Variants in DZIP1L observed in about 807,000 individuals in gnomAD.
DZIP1L encodes cilium assembly protein DZIP1L.
A neutral mutation model predicts 88.7 loss-of-function variants in DZIP1L; 90 were observed. The ratio of observed to expected loss-of-function variants is 1.02; its 90% CI spans 0.86 to 1.21. The LOEUF is 1.21. Ranked by LOEUF, DZIP1L falls within the 50% of genes most tolerant of loss-of-function variation. The pLI is 0.00. For synonymous variants in DZIP1L, 363 were observed against 372.1 expected (o/e 0.98, Z 0.28); for missense variants, 932 against 955.8 (o/e 0.98, Z 0.33).
Position 138,094,834 on chromosome 3 carries a change from C to T in DZIP1L, c.708+28G>A, listed in dbSNP as rs202185185. On this transcript the variant is annotated intron_variant, in intron 4 of 15. Coordinates refer to ENST00000327532, the MANE Select transcript of DZIP1L (RefSeq NM_173543.3). ...CTCCTGGGTAGTCCATGACCCAAGT[C>T]TCCCTGATGTTTTCTCTCCCTGCCC... The T allele has an allele frequency of 1.4e-5, 22 of 1,613,792 alleles. No homozygotes were observed. The East Asian group carries it at 4.5e-4, about 33-fold the overall frequency.
intron 12 of DZIP1L, among the ~76,000 whole-genome samples, chr3:138,069,652 C>T (rs994817143): frequency 1.3e-5 from 2 of 152,152 alleles, no homozygotes; most frequent in South Asian, 2.1e-4. Flanking sequence ...ACTTGGCCCC[C>T]GAGCATCTTC....
intron 5 of DZIP1L, among the ~76,000 whole-genome samples, chr3:138,091,197 G>A (rs1339130582): frequency 6.6e-6 from 1 of 151,922 alleles, no homozygotes; most frequent in Non-Finnish European, 1.5e-5. Flanking sequence ...GCATAAACTT[G>A]TTAGTATATC....
At chr3:138,095,089 GCTA>G (rs1944408628) in intron 3 of DZIP1L, 106 bp from the exon 4 acceptor site, 2 of 1,536,740 alleles carry the variant, frequency 1.3e-6, no homozygotes, top group African/African-American at 2.7e-5. Flanking sequence ...AACCAGCTTC[GCTA>G]CTTAGTACGT....
intron 1 of DZIP1L, among the ~76,000 whole-genome samples, chr3:138,109,844 C>A (rs372128932): frequency 3.3e-5 from 5 of 152,146 alleles, no homozygotes; most frequent in African/African-American, 1.2e-4. Context: ...TCATTCTCAG[C>A]AAATTAACAC....
intron 8 of DZIP1L, 179 bp from the exon 9 acceptor site, chr3:138,081,943 C>T (rs1037302809): frequency 3.2e-5 from 16 of 498,886 alleles, no homozygotes; most frequent in Non-Finnish European, 4.5e-5. Context: ...CTCTGGGGTC[C>T]GTGTGTGAAA....
intron 6 of DZIP1L, among the ~76,000 whole-genome samples, chr3:138,088,120 C>T (rs1290402888): frequency 6.6e-6 from 1 of 152,162 alleles, no homozygotes; most frequent in African/African-American, 2.4e-5. Flanking sequence ...GGGTTAGAAT[C>T]AGAATGGGGC....
chr3:138,080,515 G>T, intron 10 of DZIP1L, 52 bp downstream of exon 10: 1 of 1,593,342 alleles, frequency 6.3e-7, no homozygotes, highest in South Asian at 1.1e-5. Flanking sequence ...AAGGAGGAGG[G>T]CAGCAAATCT....
chr3:138,104,031 G>A lies in DZIP1L; in HGVS notation c.-60C>T, dbSNP rs1324764750. The A allele has an allele frequency of 5.2e-6, 8 of 1,547,300 alleles. No homozygotes were observed. The highest frequency in any genetic ancestry group is 6.9e-6 in the Non-Finnish European group (8 of 1,157,624). ...GGGGGGCACCAAGGCCACGGCAGTAGGCCAAGGAGCTGAGAGAAGGCCTGG... is the reference window on the plus strand; with the variant it reads ...GGGGGGCACCAAGGCCACGGCAGTAAGCCAAGGAGCTGAGAGAAGGCCTGG... On this transcript the variant is annotated 5_prime_UTR_variant, in exon 2 of 16. Coordinates refer to ENST00000327532, the MANE Select transcript of DZIP1L (RefSeq NM_173543.3).
At chr3:138,099,102 C>G (rs541836566) in intron 2 of DZIP1L, among the ~76,000 whole-genome samples, 1 of 152,154 alleles carries the variant, frequency 6.6e-6, no homozygotes, top group Non-Finnish European at 1.5e-5. Context: ...AGACTGCAGC[C>G]TGGATGACAG....
rs1440179154 is a variant in DZIP1L, at chr3:138,102,088, CAGCCCAG to C, written c.501+1376_501+1382del. ...TTGATCTGGTACATGCTCTCAGCCT[CAGCCCAG>C]CTGCAGTTGGCGATCTCCTTGTACT... On this transcript the variant is annotated intron_variant, in intron 2 of 15. Transcript: ENST00000327532. 24 of 1,482,194 alleles carry C rather than the reference CAGCCCAG, an allele frequency of 1.6e-5. No individual in the cohort carries two copies. In the African/African-American group the frequency reaches 3.3e-4, roughly 20 times the overall value. The allele number at this position is 1,482,194 out of a possible 1,614,324, so 91.8% of individuals were successfully genotyped here. A position where few individuals can be genotyped will look rare whatever the true frequency, so the allele number is the denominator to read the frequency against.
chr3:138,092,394 T>C lies in DZIP1L; in HGVS notation c.859A>G (p.Thr287Ala), dbSNP rs373057028. Residue 287 changes from threonine to alanine, a missense_variant, in exon 5 of 16, where the codon ACA becomes GCA. Coordinates refer to ENST00000327532, the MANE Select transcript of DZIP1L (RefSeq NM_173543.3). ...EFKNVAKQNSTLEEKLRALQS... is the reference protein window; with the variant it reads ...EFKNVAKQNSALEEKLRALQS... Reference sequence around the variant, plus strand: ...TTTATGTTGGGTACCTCTTCTAGTGTAGAGTTCTGCTTGGCGACATTTTTA... The same window carrying C: ...TTTATGTTGGGTACCTCTTCTAGTGCAGAGTTCTGCTTGGCGACATTTTTA... The C allele has an allele frequency of 1.8e-5, 28 of 1,590,090 alleles. No homozygotes were observed. The highest frequency in any genetic ancestry group is 2.4e-5 in the Non-Finnish European group (28 of 1,171,794).
intron 5 of DZIP1L, among the ~76,000 whole-genome samples, chr3:138,091,029 A>G (rs909507766): frequency 6.6e-6 from 1 of 151,690 alleles, no homozygotes; most frequent in African/African-American, 2.4e-5. Flanking sequence ...GATTATAGGC[A>G]CCTGCCACCA....
At chr3:138,064,147 T>C (rs1427608058) in intron 15 of DZIP1L, among the ~76,000 whole-genome samples, 1 of 151,972 alleles carries the variant, frequency 6.6e-6, no homozygotes, top group African/African-American at 2.4e-5. Context: ...AAAACAGAGG[T>C]ATCTAAATAT....
chr3:138,105,647 T>C (rs146011565), intron 1 of DZIP1L, among the ~76,000 whole-genome samples: 2 of 152,104 alleles, frequency 1.3e-5, no homozygotes, highest in Admixed American at 1.3e-4. Flanking sequence ...CAGAAGAAAC[T>C]ATCCTTTTTT....
At chr3:138,066,290 T>C (rs1942894449) in intron 14 of DZIP1L, among the ~76,000 whole-genome samples, 1 of 152,234 alleles carries the variant, frequency 6.6e-6, no homozygotes, top group Non-Finnish European at 1.5e-5. Flanking sequence ...GAGGTTTACC[T>C]TGGAGGCTAC....
At chr3:138,088,232 C>A in intron 6 of DZIP1L, 147 bp downstream of exon 6, 1 of 1,183,620 alleles carries the variant, frequency 8.4e-7, no homozygotes, top group Non-Finnish European at 1.1e-6. Flanking sequence ...GAACCCTATT[C>A]TATGCTTTCA....
chr3:138,089,512 G>T (rs1944104158), intron 5 of DZIP1L, among the ~76,000 whole-genome samples: 1 of 152,130 alleles, frequency 6.6e-6, no homozygotes, highest in Non-Finnish European at 1.5e-5. Flanking sequence ...TCAGACTTCT[G>T]TATCAGGGAA....
At chr3:138,069,706 G>A (rs1384941118) in intron 12 of DZIP1L, among the ~76,000 whole-genome samples, 1 of 152,140 alleles carries the variant, frequency 6.6e-6, no homozygotes, top group East Asian at 1.9e-4. Flanking sequence ...TCAGCTCCAC[G>A]GAAGAAAGTG....
intron 3 of DZIP1L, 114 bp from the exon 4 acceptor site, chr3:138,095,097 G>C (rs1398304318): frequency 1.3e-6 from 2 of 1,495,186 alleles, no homozygotes; most frequent in Non-Finnish European, 1.8e-6. Flanking sequence ...TCGCTACTTA[G>C]TACGTTGACA....
Sources: gnomAD v4.1 joint callset for allele counts (sites outside exome capture counted in the v4.1 genomes callset) on GRCh38, gnomAD v4.1.1 for gene constraint, MANE v1.5 for transcripts, NCBI Gene and HGNC (gene_info 2026-07-23, HGNC 2026-07-21) for gene names.